Variants in MEI1 observed in about 807,000 individuals in gnomAD.
The protein encoded by MEI1 is meiosis inhibitor protein 1.
In MEI1, 103 loss-of-function variants were observed where a neutral mutation model predicts 146.2. That is an observed-to-expected ratio of 0.70 (90% CI 0.60 to 0.83). The LOEUF (loss-of-function observed/expected upper bound fraction) is 0.83. MEI1 is among the 40% of genes least tolerant of loss of function. The pLI is 0.00. For synonymous variants in MEI1, 652 were observed against 628.2 expected, an observed-to-expected ratio of 1.04 and a Z score of -0.57; for missense variants, 1,529 against 1,533.0, an observed-to-expected ratio of 1.00 and a Z score of 0.04.
At chr22:41,730,393 G>A (rs1408649647) in intron 8 of MEI1, 128 bp from the exon 9 acceptor site, 1 of 641,880 alleles carries the variant, frequency 1.6e-6, no homozygotes, top group Non-Finnish European at 2.9e-6. Context: ...CATGACTCAT[G>A]GAGAGGATAT....
intron 11 of MEI1, among the ~76,000 whole-genome samples, chr22:41,741,362 C>G (rs781037499): frequency 1.3e-5 from 2 of 152,180 alleles, no homozygotes; most frequent in Non-Finnish European, 2.9e-5. Context: ...AATAGTCATT[C>G]ATTCATTTGA....
At chr22:41,719,781 A>G (rs889534903) in intron 6 of MEI1, among the ~76,000 whole-genome samples, 2 of 152,192 alleles carry the variant, frequency 1.3e-5, no homozygotes, top group African/African-American at 4.8e-5. Flanking sequence ...ACATAAATAC[A>G]TAAGGTCTAT....
At chr22:41,701,413 G>A (rs764016681) in intron 1 of MEI1, among the ~76,000 whole-genome samples, 10 of 151,908 alleles carry the variant, frequency 6.6e-5, no homozygotes, top group South Asian at 2.1e-4. Flanking sequence ...GTTGGATCAC[G>A]AGGCCAGAAG....
intron 13 of MEI1, 62 bp from the exon 14 acceptor site, chr22:41,745,823 G>C (rs1436438676): frequency 6.7e-7 from 1 of 1,486,850 alleles, no homozygotes; most frequent in African/African-American, 1.4e-5. Context: ...CCCCCAGGAA[G>C]CTGTTTGTAA....
At chr22:41,752,121 C>T (rs1456380936) in intron 15 of MEI1, among the ~76,000 whole-genome samples, 1 of 151,492 alleles carries the variant, frequency 6.6e-6, no homozygotes, top group African/African-American at 2.4e-5. Context: ...TTCTGAGAAT[C>T]AATTGCTTTC....
intron 3 of MEI1, among the ~76,000 whole-genome samples, chr22:41,706,728 A>C (rs1392954079): frequency 4.0e-5 from 6 of 151,796 alleles, no homozygotes; most frequent in Non-Finnish European, 7.4e-5. Flanking sequence ...AAAAAAAAAA[A>C]CAAAAATTGT....
chr22:41,772,797 T>C (rs1479856526), intron 20 of MEI1, among the ~76,000 whole-genome samples: 1 of 152,182 alleles, frequency 6.6e-6, no homozygotes, highest in African/African-American at 2.4e-5. Flanking sequence ...TTCACACCCA[T>C]GGCTTTGTTT....
At chr22:41,775,680 G>A (rs768336355) in intron 20 of MEI1, among the ~76,000 whole-genome samples, 1 of 147,622 alleles carries the variant, frequency 6.8e-6, no homozygotes, top group African/African-American at 2.5e-5. Context: ...TGCAAGCCCC[G>A]CCTCCCGGGT....
At chr22:41,715,561 A>G (rs1489576740) in intron 4 of MEI1, among the ~76,000 whole-genome samples, 1 of 151,778 alleles carries the variant, frequency 6.6e-6, no homozygotes, top group Non-Finnish European at 1.5e-5. Context: ...ACACCCGGCT[A>G]ATTTTTTGTA....
At chr22:41,728,995 T>G (rs971517738) in intron 7 of MEI1, among the ~76,000 whole-genome samples, 1 of 150,992 alleles carries the variant, frequency 6.6e-6, no homozygotes, top group Non-Finnish European at 1.5e-5. Flanking sequence ...GAAACCCTGT[T>G]TCTACTAAAA....
At chr22:41,774,321 T>A (rs1207094216) in intron 20 of MEI1, 2 of 152,354 alleles carry the variant, frequency 1.3e-5, no homozygotes, top group African/African-American at 4.8e-5. Flanking sequence ...CTTCCTTTTA[T>A]ACCTTTAACA....
chr22:41,780,654 C>A (rs1022098871), intron 22 of MEI1, among the ~76,000 whole-genome samples: 4 of 149,160 alleles, frequency 2.7e-5, no homozygotes, highest in African/African-American at 9.9e-5. Flanking sequence ...GATAACTGCT[C>A]ACTGCAGCCT....
chr22:41,795,355 A>T lies in MEI1; in HGVS notation c.3535-56A>T, dbSNP rs376566531. On this transcript the variant is annotated intron_variant, in intron 28 of 30. Transcript: ENST00000401548. This position sits in a 1 kb window ranked among gnomAD's most constrained non-coding sequence, Gnocchi z 4.2. ...TAAAGTTGGGGCACAGCAGTTGTCT[A>T]TGATGAAGGAGATGCCAAATCACTG... 8 of 1,603,152 alleles carry T rather than the reference A, an allele frequency of 5.0e-6. No homozygotes were observed. Among genetic ancestry groups the T allele is most frequent in the Admixed American group, 1.7e-5 (1 of 59,680 alleles).
chr22:41,711,515 T>C (rs982225094), intron 3 of MEI1, among the ~76,000 whole-genome samples: 15 of 152,328 alleles, frequency 9.8e-5, no homozygotes, highest in African/African-American at 3.1e-4. Context: ...GGTATCAGCA[T>C]GGCTTGCAGA....
chr22:41,715,027 A>G (rs1423771330), intron 4 of MEI1, among the ~76,000 whole-genome samples: 1 of 152,214 alleles, frequency 6.6e-6, no homozygotes, highest in Non-Finnish European at 1.5e-5. Context: ...TATAAATTAT[A>G]TTTCAATTAT....
rs368687312 is a variant in MEI1, at chr22:41,752,613, G to T, written c.1815G>T (p.Leu605=). ...KKLASSSFIR[L]TLELKARFCS... is the part of the protein sequence containing the mutation. ...AAGCTTCCTCATCCTTCATACGACT[G>T]ACCCTGGAGCTGAAGGCCAGGTTTT... Residue 605 remains leucine (L), a synonymous_variant, in exon 16 of 31, where the codon CTG becomes CTT. Transcript: ENST00000401548. The T allele has an allele frequency of 2.5e-6, 4 of 1,599,978 alleles. No individual in the cohort carries two copies. The African/African-American group carries it at 5.4e-5, about 21-fold the overall frequency.
chr22:41,707,060 G>A (rs531432035), intron 3 of MEI1, among the ~76,000 whole-genome samples: 17 of 151,316 alleles, frequency 1.1e-4, no homozygotes, highest in South Asian at 2.1e-4. Flanking sequence ...AAAATTAGCC[G>A]GGCGCGGTGG....
chr22:41,743,963 G>A (rs1569231622), intron 12 of MEI1, among the ~76,000 whole-genome samples: 1 of 151,696 alleles, frequency 6.6e-6, no homozygotes, highest in Admixed American at 6.6e-5. Context: ...TGCAACCTCC[G>A]CCTCCCGGGT....
chr22:41,781,413 G>A lies in MEI1; in HGVS notation c.2926+19G>A. ...AAAAGAGGTGCAGGGGCCCGGGCTG[G>A]GACAGTGAAGAGTGCTGGGCAGTCT... On this transcript the variant is annotated intron_variant, in intron 23 of 30. Coordinates refer to ENST00000401548, the MANE Select transcript of MEI1 (RefSeq NM_152513.4). 6.3e-7 allele frequency: 1 copy of A among 1,581,584 alleles called. No homozygotes were observed. Among genetic ancestry groups the A allele is most frequent in the Non-Finnish European group, 8.6e-7 (1 of 1,157,372 alleles).
Sources: allele counts gnomAD v4.1 joint callset (sites outside exome capture counted in the v4.1 genomes callset), GRCh38; gene constraint gnomAD v4.1.1; non-coding constraint Gnocchi (gnomAD v3.1); transcripts MANE v1.5; gene names NCBI Gene and HGNC (gene_info 2026-07-23, HGNC 2026-07-21).